Variants in RAB8A observed in about 807,000 individuals in gnomAD.
RAB8A encodes RAB8A, member RAS oncogene family.
RAB8A carries 5 observed loss-of-function variants against 29.2 expected under a neutral mutation model. That is an observed-to-expected ratio of 0.17 (90% CI 0.09 to 0.36). RAB8A has a LOEUF of 0.36. Ranked by LOEUF, RAB8A falls within the 10% of genes least tolerant of loss-of-function variation. The pLI is 1.00. For synonymous variants in RAB8A, 108 were observed against 99.9 expected, an observed-to-expected ratio of 1.08 and a Z score of -0.49; for missense variants, 171 against 272.2, an observed-to-expected ratio of 0.63 and a Z score of 2.62.
intron 3 of RAB8A, chr19:16,124,153 T>TGC (rs2090887225): frequency 6.6e-6 from 1 of 151,862 alleles, no homozygotes; most frequent in South Asian, 2.1e-4. Context: ...TCACAGGGTG[T>TGC]GCCCACCGTG....
chr19:16,117,576 G>T (rs2090851891), intron 1 of RAB8A, among the ~76,000 whole-genome samples: 1 of 152,108 alleles, frequency 6.6e-6, no homozygotes, highest in Admixed American at 6.6e-5. Flanking sequence ...GGAGGGGACT[G>T]CGGGTGAACA....
At chr19:16,112,679 T>G (rs2090829909) in intron 1 of RAB8A, 1 of 153,126 alleles carries the variant, frequency 6.5e-6, no homozygotes. Context: ...CACTCCCAGC[T>G]GATGACAAGC....
At chr19:16,119,793 A>G (rs552993122) in intron 2 of RAB8A, among the ~76,000 whole-genome samples, 1 of 150,692 alleles carries the variant, frequency 6.6e-6, no homozygotes, top group African/African-American at 2.5e-5. Context: ...AGTTGAAAAA[A>G]AAATGACTGG....
chr19:16,121,355 T>G (rs2090874810), intron 2 of RAB8A, among the ~76,000 whole-genome samples: 1 of 152,188 alleles, frequency 6.6e-6, no homozygotes, highest in Non-Finnish European at 1.5e-5. Flanking sequence ...GAGGAGGGAC[T>G]TTCCCCATCA....
chr19:16,121,601 G>A (rs1373338281), intron 2 of RAB8A, 149 bp from the exon 3 acceptor site: 6 of 669,896 alleles, frequency 9.0e-6, no homozygotes, highest in Non-Finnish European at 1.6e-5. Context: ...TAATAATAGG[G>A]AGATTAGAAG....
At position 16,125,380 on chromosome 19, in the gene RAB8A, G is replaced by A. The variant is rs1184112407; in HGVS notation, c.247-90G>A. The A allele has an allele frequency of 8.6e-7, 1 of 1,166,214 alleles. No homozygotes were observed. Among genetic ancestry groups the A allele is most frequent in the African/African-American group, 1.5e-5 (1 of 65,484 alleles). The allele number at this position is 1,166,214 out of a possible 1,614,324, so 72.2% of individuals were successfully genotyped here. A position where few individuals can be genotyped will look rare whatever the true frequency, so the allele number is the denominator to read the frequency against. Reference sequence around the variant, plus strand: ...GGGCCTGGCTGTGCAGTGGGTGCTGGGCTCCCCACCACTGTTCTCTGGTGC... The same window carrying A: ...GGGCCTGGCTGTGCAGTGGGTGCTGAGCTCCCCACCACTGTTCTCTGGTGC... On this transcript the variant is annotated intron_variant, in intron 3 of 7. Transcript: ENST00000300935. This position sits in a 1 kb window ranked among gnomAD's most constrained non-coding sequence, Gnocchi z 5.0.
chr19:16,122,123 G>T lies in RAB8A; in HGVS notation c.246+313G>T, dbSNP rs565098828. ...AGTGCAGTTAAAGCCGGCATGCCCC[G>T]ACTTTTAGGAGCTGTCACATGACCT... is the stretch of plus-strand genomic sequence containing the variant. On this transcript the variant is annotated intron_variant, in intron 3 of 7. Coordinates refer to ENST00000300935, the MANE Select transcript of RAB8A (RefSeq NM_005370.5). The surrounding 1 kb of genome is among the most constrained non-coding windows in gnomAD (Gnocchi z 4.7). The T allele has an allele frequency of 1.1e-5, 3 of 272,060 alleles. No homozygotes were observed. Among genetic ancestry groups the T allele is most frequent in the African/African-American group, 4.3e-5 (2 of 46,178 alleles). The allele number at this position is 272,060 out of a possible 1,614,324, so 16.9% of individuals were successfully genotyped here.
At position 16,133,507 on chromosome 19, in the gene RAB8A, G is replaced by A. The variant is rs538786186; in HGVS notation, c.*1203G>A. The A allele has an allele frequency of 2.1e-5, 3 of 143,860 alleles. No homozygotes were observed. The East Asian group carries it at 6.1e-4, about 29-fold the overall frequency. 8.9% of individuals were successfully genotyped at this position (143,860 alleles called of 1,614,324 possible). On this transcript the variant is annotated 3_prime_UTR_variant, in exon 8 of 8. Transcript: ENST00000300935. ...GTCAATCCAAACCATTGGCATCATC[G>A]TTTCTTTTGAATTAAAACCAACATA...
Position 16,125,352 on chromosome 19 carries a change from A to T in RAB8A, c.247-118A>T. 1.2e-6 allele frequency: 1 copy of T among 835,304 alleles called. No homozygotes were observed. Among genetic ancestry groups the T allele is most frequent in the Non-Finnish European group, 1.9e-6 (1 of 517,062 alleles). 51.7% of individuals were successfully genotyped at this position (835,304 alleles called of 1,614,324 possible). A position where few individuals can be genotyped will look rare whatever the true frequency, so the allele number is the denominator to read the frequency against. On this transcript the variant is annotated intron_variant, in intron 3 of 7. Coordinates refer to ENST00000300935, the MANE Select transcript of RAB8A (RefSeq NM_005370.5). The surrounding 1 kb of genome is among the most constrained non-coding windows in gnomAD (Gnocchi z 5.0). ...CACAGAGGTGGGGAGGGCGGCAGCT[A>T]ATGGGCCTGGCTGTGCAGTGGGTGC...
Position 16,121,577 on chromosome 19 carries a change from A to G in RAB8A, c.186-173A>G, listed in dbSNP as rs114098169. Among the ~76,000 whole-genome samples, 1,043 of 152,254 alleles carry G rather than the reference A, an allele frequency of 6.9e-3. 13 individuals carry two copies. The highest frequency in any genetic ancestry group is 0.024 in the African/African-American group (994 of 41,554). On this transcript the variant is annotated intron_variant, in intron 2 of 7. Transcript: ENST00000300935. Reference sequence around the variant, plus strand: ...ACATCAAATGACCCCTCCAGGCCACAGTGTCCTTCCCTGTAATAATAGGGA... The same window carrying G: ...ACATCAAATGACCCCTCCAGGCCACGGTGTCCTTCCCTGTAATAATAGGGA...
At chr19:16,126,990 C>CA (rs888863775) in intron 4 of RAB8A, 95 of 141,658 alleles carry the variant, frequency 6.7e-4, no homozygotes, top group South Asian at 9.0e-4. Flanking sequence ...GACTCCATCT[C>CA]AAAAAAAAAC....
rs374145293 is a variant in RAB8A, at chr19:16,129,623, G to T, written c.531+19G>T. On this transcript the variant is annotated intron_variant, in intron 7 of 7. Transcript: ENST00000300935. ...AAAATTGGTGAGTGTGTGTCCTTCC[G>T]AGATCCCCGGGTGGATCTCTGGGAT... 1 of 1,612,406 alleles carries T rather than the reference G, an allele frequency of 6.2e-7. No homozygotes were observed. The highest frequency in any genetic ancestry group is 8.5e-7 in the Non-Finnish European group (1 of 1,178,912).
At chr19:16,115,306 A>G (rs1047638653) in intron 1 of RAB8A, among the ~76,000 whole-genome samples, 9 of 152,086 alleles carry the variant, frequency 5.9e-5, no homozygotes, top group African/African-American at 2.2e-4. Flanking sequence ...AAAAGAAGCA[A>G]TTCTATATTG....
chr19:16,133,452 TC>T lies in RAB8A; in HGVS notation c.*1149del, dbSNP rs2090939085. On this transcript the variant is annotated 3_prime_UTR_variant, in exon 8 of 8. Transcript: ENST00000300935. ...GTCACCAGCCTTTTCTTTTTTTCTT[TC>T]TTTTTTTTTTTTTCCTCCTTAAGCT... The T allele has an allele frequency of 7.0e-6, 1 of 143,686 alleles. No individual in the cohort carries two copies. The highest frequency in any genetic ancestry group is 2.3e-4 in the South Asian group (1 of 4,322). The allele number at this position is 143,686 out of a possible 1,614,324, so 8.9% of individuals were successfully genotyped here.
chr19:16,121,988 A>G, intron 3 of RAB8A, 178 bp downstream of exon 3: 1 of 567,054 alleles, frequency 1.8e-6, no homozygotes. Flanking sequence ...ACCCCCATGT[A>G]CATACCTCCC....
chr19:16,112,265 C>T (rs1005884201), intron 1 of RAB8A: 2 of 530,958 alleles, frequency 3.8e-6, no homozygotes, highest in South Asian at 2.1e-5. Context: ...TCAGCCCGCT[C>T]GTTAGGGCGT....
intron 7 of RAB8A, among the ~76,000 whole-genome samples, chr19:16,131,041 C>T (rs1391432805): frequency 6.6e-6 from 1 of 152,150 alleles, no homozygotes; most frequent in Non-Finnish European, 1.5e-5. Flanking sequence ...TCAGGCTGGT[C>T]TTGAACTCCT....
rs777976720 is a variant in RAB8A at position 16,118,284 on chromosome 19, A to G, written c.183A>G (p.Ile61Met). 6 of 1,609,656 alleles carry G rather than the reference A, an allele frequency of 3.7e-6. No individual in the cohort carries two copies. In the Admixed American group the frequency reaches 8.3e-5, roughly 22 times the overall value. The change falls in exon 2 of 8, where the codon ATA becomes ATG. Residue 61 changes from isoleucine to methionine, a missense_variant and splice_region_variant. Physicochemically the swap from Ile to Met is conservative, Grantham distance 10 (BLOSUM62 1). This residue lies in a region of RAB8A where 145 missense variants were observed against 212.8 expected (regional missense o/e 0.68). Coordinates refer to ENST00000300935, the MANE Select transcript of RAB8A (RefSeq NM_005370.5). ...ELDGKRIKLQIWDTAGQERFR... is the reference protein window; with the variant it reads ...ELDGKRIKLQMWDTAGQERFR... ...ATGGCAAGAGAATTAAACTGCAGAT[A>G]TGGTAAGAGTCATTGTTCTCTGTCA... is the stretch of plus-strand genomic sequence containing the variant.
At chr19:16,120,002 G>A (rs1458453066) in intron 2 of RAB8A, among the ~76,000 whole-genome samples, 4 of 151,934 alleles carry the variant, frequency 2.6e-5, no homozygotes, top group African/African-American at 9.7e-5. Flanking sequence ...TAGTAGAGAC[G>A]GGGTTTCGCC....
Sources: gnomAD v4.1 joint callset for allele counts (sites outside exome capture counted in the v4.1 genomes callset) on GRCh38, gnomAD v4.1.1 for gene constraint, gnomAD v4.1.1 regional missense constraint, Gnocchi (gnomAD v3.1) non-coding constraint, MANE v1.5 for transcripts, NCBI Gene and HGNC (gene_info 2026-07-23, HGNC 2026-07-21) for gene names.